Variants in CYP4A11 observed in about 807,000 individuals in gnomAD.
CYP4A11 encodes cytochrome P450 family 4 subfamily A member 11, also known as cytochrome P450 4A11.
A neutral mutation model predicts 57.7 loss-of-function variants in CYP4A11; 52 were observed. That is an observed-to-expected ratio of 0.90 (90% CI 0.72 to 1.14). The LOEUF is 1.14. Among genes scored for constraint, CYP4A11 ranks in the 50% most tolerant of loss-of-function variants. The pLI, the probability that CYP4A11 is intolerant of heterozygous loss-of-function variation, is 0.00. For synonymous variants in CYP4A11, 228 were observed against 247.1 expected, an observed-to-expected ratio of 0.92 and a Z score of 0.72; for missense variants, 641 against 642.1, an observed-to-expected ratio of 1.00 and a Z score of 0.02.
chr1:46,938,810 C>A (rs866873615), intron 1 of CYP4A11, among the ~76,000 whole-genome samples: 10 of 152,352 alleles, frequency 6.6e-5, no homozygotes, highest in African/African-American at 2.2e-4. Context: ...CTGCAGTCAT[C>A]TTTCTAAACT....
chr1:46,937,938 C>A, intron 2 of CYP4A11, 58 bp downstream of exon 2: 1 of 1,604,178 alleles, frequency 6.2e-7, no homozygotes, highest in Non-Finnish European at 8.5e-7. Context: ...TTTACAGACC[C>A]AGGAGCATGT....
chr1:46,939,614 G>C (rs993476046), intron 1 of CYP4A11, among the ~76,000 whole-genome samples: 1 of 152,210 alleles, frequency 6.6e-6, no homozygotes, highest in African/African-American at 2.4e-5. Context: ...CAATAACTGA[G>C]TCAAGTTAAC....
At chr1:46,938,916 T>A (rs1345458511) in intron 1 of CYP4A11, among the ~76,000 whole-genome samples, 2 of 152,214 alleles carry the variant, frequency 1.3e-5, no homozygotes, top group Non-Finnish European at 2.9e-5. Context: ...CCCGTTTGTT[T>A]CAGCTCCAAT....
At chr1:46,937,900 T>C (rs1054775194) in intron 2 of CYP4A11, 96 bp downstream of exon 2, 1 of 1,558,290 alleles carries the variant, frequency 6.4e-7, no homozygotes, top group Non-Finnish European at 8.7e-7. Flanking sequence ...CAGATATTGA[T>C]GTTTGAACAG....
chr1:46,936,372 A>T (rs1681388527), intron 4 of CYP4A11, among the ~76,000 whole-genome samples: 1 of 152,064 alleles, frequency 6.6e-6, no homozygotes. Flanking sequence ...AAGATTGCAT[A>T]CTCCTCCAGT....
rs1449964077 is a variant in CYP4A11, at chr1:46,935,591, G to A, written c.567C>T (p.Val189=). 2 of 1,613,864 alleles carry A rather than the reference G, an allele frequency of 1.2e-6. No homozygotes were observed. Among genetic ancestry groups the A allele is most frequent in the Middle Eastern group, 1.6e-4 (1 of 6,078 alleles). ...TGATGGTGTCCAGGGTCATCAAGGA[G>A]ACGTGCTGAAAGACCTCCAGAGGGG... ...QDSPLEVFQH[V]SLMTLDTIMK... is the part of the protein sequence containing the mutation. Residue 189 remains valine (V), a synonymous_variant, in exon 5 of 12, where the codon GTC becomes GTT. Transcript: ENST00000310638.
Position 46,935,630 on chromosome 1 carries a change from G to A in CYP4A11, c.528C>T (p.Leu176=). 1 of 1,613,752 alleles carries A rather than the reference G, an allele frequency of 6.2e-7. No homozygotes were observed. Among genetic ancestry groups the A allele is most frequent in the South Asian group, 1.1e-5 (1 of 91,028 alleles). Residue 176 remains leucine (L), a synonymous_variant, in exon 5 of 12, where the codon CTC becomes CTT. Transcript: ENST00000310638. ...CCTCCAGAGGGGAATCCTGGCCAAG[G>A]AGCTCTTCCCATTTGTCCTGTGGTG... The part of the protein sequence containing the change: ...VRVMLDKWEE[L]LGQDSPLEVF...
intron 9 of CYP4A11, 167 bp downstream of exon 9, chr1:46,933,779 C>G (rs755407114): frequency 8.1e-7 from 1 of 1,232,162 alleles, no homozygotes; most frequent in Non-Finnish European, 1.1e-6. Flanking sequence ...TTCAAGCTCT[C>G]AGCCAGACTT....
At chr1:46,930,468 C>T (rs951181737) in intron 11 of CYP4A11, among the ~76,000 whole-genome samples, 158 bp from the exon 12 acceptor site, 7 of 152,144 alleles carry the variant, frequency 4.6e-5, no homozygotes, top group South Asian at 2.1e-4. Flanking sequence ...ACTTCTACCC[C>T]GTCCTGGCTT....
In CYP4A11 at chr1:46,941,425, G is replaced by C; in HGVS notation, c.9C>G (p.Val3=). MS[V]SVLSPSRLLG... ...GGAGTCTGCTGGGGCTCAGCACAGA[G>C]ACACTCATGGTGCAGCACCTGCTGG... The change falls in exon 1 of 12, where the codon GTC becomes GTG. Residue 3 remains valine, a synonymous_variant. Coordinates refer to ENST00000310638, the MANE Select transcript of CYP4A11 (RefSeq NM_000778.4). 6.2e-7 allele frequency: 1 copy of C among 1,613,956 alleles called. No individual in the cohort carries two copies. The highest frequency in any genetic ancestry group is 8.5e-7 in the Non-Finnish European group (1 of 1,179,902).
At chr1:46,931,734 A>T in intron 11 of CYP4A11, 1 of 658,950 alleles carries the variant, frequency 1.5e-6, no homozygotes. Context: ...GCTTTTTCTT[A>T]AAGCCTGTTC....
chr1:46,938,062 A>G lies in CYP4A11; in HGVS notation c.271T>C (p.Trp91Arg), dbSNP rs1681523852. 2.5e-6 allele frequency: 4 copies of G among 1,614,204 alleles called. No individual in the cohort carries two copies. The highest frequency in any genetic ancestry group is 1.6e-4 in the Middle Eastern group (1 of 6,062). ...AGCTGGACACGAACTTTGCCTCCCC[A>G]TAGCCAATGAGGACAGGCACTTGGG... ...TFPSACPHWL[W>R]GGKVRVQLYD... The change falls in exon 2 of 12, where the codon TGG (tryptophan) becomes CGG (arginine). Residue 91 changes from tryptophan to arginine, a missense_variant. By Grantham distance (101) the Trp-to-Arg change is moderately radical. Transcript: ENST00000310638.
At chr1:46,938,363 C>T (rs538449679) in intron 1 of CYP4A11, among the ~76,000 whole-genome samples, 1 of 152,306 alleles carries the variant, frequency 6.6e-6, no homozygotes, top group African/African-American at 2.4e-5. Context: ...TTAAGTCAGC[C>T]ATTGTCTTCA....
At chr1:46,931,995 C>A (rs1004390965) in intron 11 of CYP4A11, 4 of 985,280 alleles carry the variant, frequency 4.1e-6, no homozygotes, top group Middle Eastern at 5.2e-4. Context: ...TTGGGCTTTT[C>A]TCTCCAAGAC....
In CYP4A11 at chr1:46,941,227, G is replaced by A; in HGVS notation, c.195+12C>T. On this transcript the variant is annotated intron_variant, in intron 1 of 11. Coordinates refer to ENST00000310638, the MANE Select transcript of CYP4A11 (RefSeq NM_000778.4). ...CTTTGCCCTCCCACTCCCCCATTGA[G>A]TTCCTCCCTACCTCCTGGATGTGCC... is the stretch of plus-strand genomic sequence containing the variant. 6.2e-7 allele frequency: 1 copy of A among 1,608,758 alleles called. No homozygotes were observed. The highest frequency in any genetic ancestry group is 8.5e-7 in the Non-Finnish European group (1 of 1,176,710).
chr1:46,932,622 G>A (rs1681091267), intron 11 of CYP4A11, 139 bp downstream of exon 11: 2 of 1,570,658 alleles, frequency 1.3e-6, no homozygotes, highest in South Asian at 2.4e-5. Flanking sequence ...CACACCAGGT[G>A]CCTGACTTTC....
At chr1:46,931,740 T>C in intron 11 of CYP4A11, 1 of 657,558 alleles carries the variant, frequency 1.5e-6, no homozygotes, top group Non-Finnish European at 1.9e-6. Context: ...TCTTAAAGCC[T>C]GTTCTGTGTA....
intron 11 of CYP4A11, chr1:46,931,664 G>C (rs1230036804): frequency 2.9e-6 from 2 of 680,950 alleles, no homozygotes; most frequent in African/African-American, 1.9e-5. Flanking sequence ...GCAATGTTTA[G>C]GAGGACTTTC....
Position 46,935,024 on chromosome 1 carries a change from A to C in CYP4A11, c.766T>G (p.Cys256Gly), listed in dbSNP as rs370693795. 1.2e-6 allele frequency: 2 copies of C among 1,613,936 alleles called. No individual in the cohort carries two copies. Among genetic ancestry groups the C allele is most frequent in the African/African-American group, 2.7e-5 (2 of 74,924 alleles). ...CCTGTGTGCTGATGGGCCAGCTGGC[A>C]GGCGCGGTGTGTCCAGCGGCCAGCA... is the stretch of plus-strand genomic sequence containing the variant. ...TSAGRWTHRACQLAHQHTDQV... is the reference protein window; with the variant it reads ...TSAGRWTHRAGQLAHQHTDQV... Residue 256 changes from cysteine to glycine, a missense_variant, in exon 6 of 12, where the codon TGC becomes GGC. Cys to Gly is a radical substitution (Grantham distance 159). Transcript: ENST00000310638.
Sources: gnomAD v4.1 joint callset for allele counts (sites outside exome capture counted in the v4.1 genomes callset) on GRCh38, gnomAD v4.1.1 for gene constraint, MANE v1.5 for transcripts, NCBI Gene and HGNC (gene_info 2026-07-23, HGNC 2026-07-21) for gene names.